CSMD1: variants seen among roughly 807,000 people sequenced by gnomAD.
CSMD1 encodes the protein CUB and Sushi multiple domains 1, also known as CUB and sushi domain-containing protein 1.
CSMD1 carries 213 observed loss-of-function variants against 417.5 expected under a neutral mutation model. That is an observed-to-expected ratio of 0.51 (90% CI 0.46 to 0.57). The LOEUF (loss-of-function observed/expected upper bound fraction) is 0.57. CSMD1 is among the 20% of genes least tolerant of loss of function. The pLI is 0.00. For synonymous variants in CSMD1, 2,862 were observed against 1,736.8 expected (o/e 1.65, Z -16.11); for missense variants, 6,923 against 4,529.7 (o/e 1.53, Z -15.17).
At chr8:4,658,530 C>G (rs533821798) in intron 1 of CSMD1, among the ~76,000 whole-genome samples, 23 of 152,232 alleles carry the variant, frequency 1.5e-4, no homozygotes, top group Non-Finnish European at 2.8e-4. Context: ...GCAAACTATG[C>G]TTCAGAAATC....
At chr8:3,157,008 A>G (rs956566995) in intron 39 of CSMD1, among the ~76,000 whole-genome samples, 15 of 151,040 alleles carry the variant, frequency 9.9e-5, no homozygotes, top group Non-Finnish European at 2.2e-4. Context: ...AAAAAAAAAA[A>G]GCAGGATACT....
At chr8:3,169,173 C>A (rs764089445) in intron 37 of CSMD1, among the ~76,000 whole-genome samples, 1 of 152,158 alleles carries the variant, frequency 6.6e-6, no homozygotes, top group Non-Finnish European at 1.5e-5. Context: ...TACACATGTG[C>A]AGGAATCATG....
chr8:4,041,044 T>C (rs1585188431), intron 3 of CSMD1, among the ~76,000 whole-genome samples: 1 of 131,020 alleles, frequency 7.6e-6, no homozygotes, highest in African/African-American at 3.0e-5. Flanking sequence ...TGAGACGGAG[T>C]CTCGCTCTGT....
At chr8:4,580,172 T>C (rs1003143849) in intron 2 of CSMD1, among the ~76,000 whole-genome samples, 3 of 152,186 alleles carry the variant, frequency 2.0e-5, no homozygotes, top group African/African-American at 7.2e-5. Flanking sequence ...TTTCAACTGT[T>C]ATGTAAACTT....
At chr8:3,654,878 C>G (rs1301835389) in intron 7 of CSMD1, among the ~76,000 whole-genome samples, 2 of 152,146 alleles carry the variant, frequency 1.3e-5, no homozygotes, top group Non-Finnish European at 2.9e-5. Context: ...AGCTCTGCAA[C>G]AGACTGGGAG....
intron 5 of CSMD1, among the ~76,000 whole-genome samples, chr8:3,970,657 C>T (rs766516251): frequency 6.6e-6 from 1 of 152,206 alleles, no homozygotes; most frequent in East Asian, 1.9e-4. Flanking sequence ...ACATGAACAT[C>T]AAGTAGCACG....
intron 5 of CSMD1, among the ~76,000 whole-genome samples, chr8:3,793,598 T>C (rs992405631): frequency 2.0e-5 from 3 of 152,110 alleles, no homozygotes; most frequent in African/African-American, 7.2e-5. Context: ...ATGCCTCTCT[T>C]GCAGTAAACC....
chr8:3,830,682 G>GA (rs1244392317), intron 5 of CSMD1, among the ~76,000 whole-genome samples: 2 of 151,794 alleles, frequency 1.3e-5, no homozygotes, highest in African/African-American at 4.8e-5. Flanking sequence ...AAAACAGAGA[G>GA]AAAAAAAATG....
intron 1 of CSMD1, among the ~76,000 whole-genome samples, chr8:4,913,082 A>G (rs564054680): frequency 1.6e-4 from 25 of 152,114 alleles, no homozygotes; most frequent in African/African-American, 3.6e-4. Context: ...AGCCCCCACA[A>G]GTGGCCAGCA....
In CSMD1 at chr8:2,957,738, G is replaced by A. The variant is rs746874481; in HGVS notation, c.9772C>T (p.Leu3258Phe). The A allele has an allele frequency of 6.3e-7, 1 of 1,599,918 alleles. No individual in the cohort carries two copies. Among genetic ancestry groups the A allele is most frequent in the East Asian group, 2.2e-5 (1 of 44,548 alleles). ...HIQGSTTRTCLANLTWSGIQT... is the reference protein window; with the variant it reads ...HIQGSTTRTCFANLTWSGIQT... Reference sequence around the variant, plus strand: ...ATCCCACTCCATGTTAAATTGGCAAGGCAGGTGCGAGTCGTGGAACCTTGA... The same window carrying A: ...ATCCCACTCCATGTTAAATTGGCAAAGCAGGTGCGAGTCGTGGAACCTTGA... The change falls in exon 63 of 70, where the codon CTT (leucine) becomes TTT (phenylalanine). Residue 3258 changes from leucine (L) to phenylalanine (F), a missense_variant. Transcript: ENST00000635120.
intron 5 of CSMD1, among the ~76,000 whole-genome samples, chr8:3,990,565 A>G (rs144173325): frequency 5.5e-4 from 84 of 152,346 alleles, no homozygotes; most frequent in Middle Eastern, 3.4e-3. Context: ...ATAAATTAGA[A>G]AAGTGTCCCA....
At chr8:4,672,901 C>T (rs980573286) in intron 1 of CSMD1, among the ~76,000 whole-genome samples, 1 of 152,040 alleles carries the variant, frequency 6.6e-6, no homozygotes, top group African/African-American at 2.4e-5. Flanking sequence ...CATGAGACAA[C>T]AAACACATTC....
chr8:4,118,809 A>C (rs1802310403), intron 3 of CSMD1, among the ~76,000 whole-genome samples: 1 of 152,214 alleles, frequency 6.6e-6, no homozygotes, highest in Non-Finnish European at 1.5e-5. Flanking sequence ...TTATTACAGC[A>C]CTATTCACAA....
intron 3 of CSMD1, among the ~76,000 whole-genome samples, chr8:4,062,522 T>C (rs1285466079): frequency 6.6e-6 from 1 of 152,182 alleles, no homozygotes; most frequent in Non-Finnish European, 1.5e-5. Context: ...AAATGTATTT[T>C]AAATCACCTG....
chr8:4,657,676 T>A (rs1804327645), intron 1 of CSMD1, among the ~76,000 whole-genome samples: 4 of 134,694 alleles, frequency 3.0e-5, no homozygotes, highest in African/African-American at 5.6e-5. Context: ...CAAAAAATCA[T>A]AAAACATTAA....
chr8:4,636,419 C>G (rs1039306480), intron 2 of CSMD1, among the ~76,000 whole-genome samples: 1 of 152,140 alleles, frequency 6.6e-6, no homozygotes, highest in Admixed American at 6.5e-5. Context: ...CCATTATTGT[C>G]TAAACCACAA....
At chr8:3,687,317 C>G (rs568536171) in intron 7 of CSMD1, among the ~76,000 whole-genome samples, 1 of 152,178 alleles carries the variant, frequency 6.6e-6, no homozygotes, top group Non-Finnish European at 1.5e-5. Flanking sequence ...AAAAGGTGAT[C>G]TGCTCCATGT....
At chr8:3,128,663 C>G (rs1817636893) in intron 41 of CSMD1, 4 of 317,872 alleles carry the variant, frequency 1.3e-5, no homozygotes, top group African/African-American at 4.4e-5. Context: ...AATTAAGTGT[C>G]ACCTCTGTCA....
chr8:4,160,443 T>C (rs74662189), intron 3 of CSMD1, among the ~76,000 whole-genome samples: 3,775 of 152,362 alleles, frequency 0.025, 64 homozygotes, highest in Middle Eastern at 0.092. Flanking sequence ...ATAAAGAATA[T>C]ATTTCAATAA....
Sources: gnomAD v4.1 joint callset for allele counts (sites outside exome capture counted in the v4.1 genomes callset) on GRCh38, gnomAD v4.1.1 for gene constraint, MANE v1.5 for transcripts, NCBI Gene and HGNC (gene_info 2026-07-23, HGNC 2026-07-21) for gene names.